Variants in SLCO3A1 observed in about 807,000 individuals in gnomAD.
SLCO3A1 encodes PGE1 transporter.
A neutral mutation model predicts 63.1 loss-of-function variants in SLCO3A1; 27 were observed. The observed-to-expected ratio is 0.43, with a 90% CI of 0.32 to 0.59. SLCO3A1 has a LOEUF of 0.59. Among genes scored for constraint, SLCO3A1 ranks in the 20% least tolerant of loss-of-function variants. The pLI, the probability that SLCO3A1 is intolerant of heterozygous loss-of-function variation, is 0.09. For missense variants in SLCO3A1, 773 were observed against 945.8 expected (o/e 0.82, Z 2.40); for synonymous variants, 473 against 409.9 (o/e 1.15, Z -1.86).
chr15:92,135,167 C>A (rs1419127712), intron 7 of SLCO3A1, among the ~76,000 whole-genome samples: 2 of 152,138 alleles, frequency 1.3e-5, no homozygotes, highest in African/African-American at 4.8e-5. Context: ...AGAGAGAAAG[C>A]TGGAGGGAGA....
intron 2 of SLCO3A1, among the ~76,000 whole-genome samples, chr15:91,999,738 C>CTATG (rs2046231278): frequency 1.3e-5 from 2 of 152,288 alleles, no homozygotes; most frequent in Admixed American, 1.3e-4. Context: ...CTGCAGTGAG[C>CTATG]TATGATTACT....
chr15:92,139,016 A>G (rs1347783642), intron 7 of SLCO3A1, among the ~76,000 whole-genome samples: 1 of 127,930 alleles, frequency 7.8e-6, no homozygotes, highest in Non-Finnish European at 1.6e-5. Flanking sequence ...CACTATGTTG[A>G]ATAGGAGTGG....
chr15:91,981,882 C>T (rs1033009819), intron 2 of SLCO3A1, among the ~76,000 whole-genome samples: 1 of 152,238 alleles, frequency 6.6e-6, no homozygotes, highest in African/African-American at 2.4e-5. Flanking sequence ...ATGTACAACC[C>T]GTTGCCCAAA....
At chr15:92,162,613 C>G in intron 9 of SLCO3A1, 143 bp from the exon 10 acceptor site, 1 of 1,327,420 alleles carries the variant, frequency 7.5e-7, no homozygotes. Context: ...CAAACTCATG[C>G]GCTTTGCCTC....
In SLCO3A1 at chr15:91,900,607, G is replaced by A. The variant is rs1426216107; in HGVS notation, c.181-15386G>A. On this transcript the variant is annotated intron_variant, in intron 1 of 9. Transcript: ENST00000318445. This position sits in a 1 kb window ranked among gnomAD's most constrained non-coding sequence, Gnocchi z 4.3. Reference sequence around the variant, plus strand: ...GCCTCCCAAAGTGCTGGGATTACAGGTGTGAGCCACCGTGCCTGGCCTGTT... The same window carrying A: ...GCCTCCCAAAGTGCTGGGATTACAGATGTGAGCCACCGTGCCTGGCCTGTT... Among the ~76,000 whole-genome samples, 1 of 152,186 alleles carries A rather than the reference G, an allele frequency of 6.6e-6. No individual in the cohort carries two copies. The highest frequency in any genetic ancestry group is 2.4e-5 in the African/African-American group (1 of 41,430).
At chr15:92,080,052 G>A (rs1188737222) in intron 2 of SLCO3A1, among the ~76,000 whole-genome samples, 1 of 152,262 alleles carries the variant, frequency 6.6e-6, no homozygotes, top group Non-Finnish European at 1.5e-5. Context: ...CCCTGGTAAG[G>A]CCTGGCTGGG....
intron 1 of SLCO3A1, among the ~76,000 whole-genome samples, chr15:91,889,798 T>C (rs138755446): frequency 6.6e-6 from 1 of 152,208 alleles, no homozygotes; most frequent in Non-Finnish European, 1.5e-5. Flanking sequence ...GCATCATTCA[T>C]AACTGTTGTC....
At chr15:91,971,519 AC>A (rs1415455703) in intron 2 of SLCO3A1, among the ~76,000 whole-genome samples, 1 of 150,146 alleles carries the variant, frequency 6.7e-6, no homozygotes, top group African/African-American at 2.5e-5. Context: ...TGATGATTTT[AC>A]TGTTTGAAAA....
intron 2 of SLCO3A1, among the ~76,000 whole-genome samples, chr15:91,994,779 C>T (rs1202596901): frequency 1.3e-5 from 2 of 152,222 alleles, no homozygotes; most frequent in Non-Finnish European, 2.9e-5. Flanking sequence ...GGCATCAGTA[C>T]ACCTGAGTTC....
chr15:92,122,498 A>C (rs11638063), intron 5 of SLCO3A1, among the ~76,000 whole-genome samples: 127,830 of 152,198 alleles, frequency 0.84, 54,524 homozygotes, highest in Non-Finnish European at 0.9. Context: ...AGACTGATAG[A>C]ACCAAGTGTT....
In SLCO3A1 at chr15:92,033,743, T is replaced by G. The variant is rs759317113; in HGVS notation, c.647-61138T>G. ...GTGGCAAAAAAGACGGGGATAGGAG[T>G]GTTGGGAGTCGTACAGTTTTAGTGT... is the stretch of plus-strand genomic sequence containing the variant. On this transcript the variant is annotated intron_variant, in intron 2 of 9. Coordinates refer to ENST00000318445, the MANE Select transcript of SLCO3A1 (RefSeq NM_013272.4). This position sits in a 1 kb window ranked among gnomAD's most constrained non-coding sequence, Gnocchi z 4.5. Among the ~76,000 whole-genome samples, 1 of 149,380 alleles carries G rather than the reference T, an allele frequency of 6.7e-6. No individual in the cohort carries two copies. The highest frequency in any genetic ancestry group is 2.1e-4 in the South Asian group (1 of 4,674).
In SLCO3A1 at chr15:91,885,544, T is replaced by A. The variant is rs1430878712; in HGVS notation, c.181-30449T>A. 4.6e-5 allele frequency among the ~76,000 whole-genome samples: 7 copies of A among 151,106 alleles called. No homozygotes were observed. The East Asian group carries it at 1.2e-3, about 25-fold the overall frequency. ...TGCTGCTGGGCAGCGGGGCCCAAGATCCTCACAGTCTTTTAGGGATGCTTA... is the reference window on the plus strand; with the variant it reads ...TGCTGCTGGGCAGCGGGGCCCAAGAACCTCACAGTCTTTTAGGGATGCTTA... On this transcript the variant is annotated intron_variant, in intron 1 of 9. Transcript: ENST00000318445. The surrounding 1 kb of genome is among the most constrained non-coding windows in gnomAD (Gnocchi z 4.7).
intron 10 of SLCO3A1, chr15:92,171,050 C>CA (rs1288208072): frequency 5.9e-5 from 9 of 152,316 alleles, no homozygotes; most frequent in African/African-American, 2.2e-4. Context: ...CATTTCCAAA[C>CA]TGTCACCTTT....
At chr15:92,022,558 A>G (rs1029273499) in intron 2 of SLCO3A1, among the ~76,000 whole-genome samples, 11 of 152,360 alleles carry the variant, frequency 7.2e-5, no homozygotes, top group African/African-American at 2.4e-4. Flanking sequence ...TCGTGAGAGA[A>G]GACAGAAAGC....
intron 2 of SLCO3A1, among the ~76,000 whole-genome samples, chr15:92,081,523 A>G (rs1330378384): frequency 6.6e-6 from 1 of 151,962 alleles, no homozygotes; most frequent in Non-Finnish European, 1.5e-5. Context: ...GGTGCCCACC[A>G]CCATGCCTGG....
intron 1 of SLCO3A1, among the ~76,000 whole-genome samples, chr15:91,914,857 C>T (rs994671828): frequency 6.6e-6 from 1 of 152,154 alleles, no homozygotes; most frequent in Admixed American, 6.5e-5. Flanking sequence ...CAGGTGTGAG[C>T]CACTGCTCCC....
intron 4 of SLCO3A1, among the ~76,000 whole-genome samples, 197 bp from the exon 5 acceptor site, chr15:92,120,268 C>A (rs1356632886): frequency 6.6e-6 from 1 of 152,132 alleles, no homozygotes; most frequent in East Asian, 1.9e-4. Context: ...TCAGTGTACG[C>A]TTTGAAGCCA....
chr15:91,899,690 A>T (rs987620793), intron 1 of SLCO3A1, among the ~76,000 whole-genome samples: 7 of 152,230 alleles, frequency 4.6e-5, no homozygotes, highest in African/African-American at 1.7e-4. Context: ...TCATAAAGTT[A>T]TGCAGTCATC....
At chr15:92,099,047 G>A (rs952197892) in intron 3 of SLCO3A1, among the ~76,000 whole-genome samples, 3 of 152,330 alleles carry the variant, frequency 2.0e-5, no homozygotes, top group South Asian at 2.1e-4. Context: ...GCCAGAAGGC[G>A]GCTCCCTTCC....
Sources: gnomAD v4.1 joint callset for allele counts (sites outside exome capture counted in the v4.1 genomes callset) on GRCh38, gnomAD v4.1.1 for gene constraint, Gnocchi (gnomAD v3.1) non-coding constraint, MANE v1.5 for transcripts, NCBI Gene and HGNC (gene_info 2026-07-23, HGNC 2026-07-21) for gene names.